Variants in SLC4A10 observed in about 807,000 individuals in gnomAD.
SLC4A10 encodes the protein solute carrier family 4 member 10, also known as sodium-driven chloride bicarbonate exchanger.
SLC4A10 carries 42 observed loss-of-function variants against 137.7 expected under a neutral mutation model. That is an observed-to-expected ratio of 0.30 (90% CI 0.24 to 0.39). The LOEUF is 0.39. Ranked by LOEUF, SLC4A10 falls within the 10% of genes least tolerant of loss-of-function variation. SLC4A10 has a pLI of 1.00. For missense variants in SLC4A10, 925 were observed against 1,355.0 expected, an observed-to-expected ratio of 0.68 and a Z score of 4.98; for synonymous variants, 474 against 464.1, an observed-to-expected ratio of 1.02 and a Z score of -0.27.
At chr2:161,747,087 C>A (rs1209817365) in intron 1 of SLC4A10, among the ~76,000 whole-genome samples, 1 of 152,022 alleles carries the variant, frequency 6.6e-6, no homozygotes, top group Non-Finnish European at 1.5e-5. Flanking sequence ...GTTACATGCA[C>A]CCCAAACCTA....
intron 1 of SLC4A10, among the ~76,000 whole-genome samples, chr2:161,725,522 A>G (rs2046120427): frequency 6.6e-6 from 1 of 152,244 alleles, no homozygotes; most frequent in African/African-American, 2.4e-5. Context: ...TTCAATGATT[A>G]ACCATTCAGA....
intron 3 of SLC4A10, among the ~76,000 whole-genome samples, chr2:161,818,089 A>G (rs1355790251): frequency 1.3e-5 from 2 of 152,016 alleles, no homozygotes; most frequent in African/African-American, 4.8e-5. Context: ...CATTTTCATG[A>G]TATTGATTCT....
chr2:161,779,975 AAT>A (rs1249165179), intron 2 of SLC4A10, among the ~76,000 whole-genome samples: 1 of 152,028 alleles, frequency 6.6e-6, no homozygotes, highest in East Asian at 1.9e-4. Context: ...TGTGACAAAG[AAT>A]ATATGTGGCT....
chr2:161,657,148 TTTG>T (rs1558960759), intron 1 of SLC4A10, among the ~76,000 whole-genome samples: 2 of 151,996 alleles, frequency 1.3e-5, no homozygotes, highest in Admixed American at 6.5e-5. Flanking sequence ...TGAATATTTG[TTTG>T]TTATTACTTA....
At chr2:161,849,665 G>A (rs906610154) in intron 4 of SLC4A10, among the ~76,000 whole-genome samples, 1 of 152,106 alleles carries the variant, frequency 6.6e-6, no homozygotes, top group Non-Finnish European at 1.5e-5. Context: ...TGATCATGTG[G>A]TTTTTGTTTT....
At chr2:161,648,368 T>C (rs536793693) in intron 1 of SLC4A10, among the ~76,000 whole-genome samples, 1 of 152,352 alleles carries the variant, frequency 6.6e-6, no homozygotes, top group East Asian at 1.9e-4. Context: ...TGCTATTGAG[T>C]GTTAAGGACT....
chr2:161,700,195 A>C (rs2042980578), intron 1 of SLC4A10, among the ~76,000 whole-genome samples: 1 of 152,222 alleles, frequency 6.6e-6, no homozygotes, highest in Non-Finnish European at 1.5e-5. Context: ...TGTCAGGATC[A>C]GTTATGGAGG....
chr2:161,659,790 G>C (rs1477861683), intron 1 of SLC4A10, among the ~76,000 whole-genome samples: 1 of 152,148 alleles, frequency 6.6e-6, no homozygotes, highest in Non-Finnish European at 1.5e-5. Flanking sequence ...ATAAAATGCA[G>C]CATATTCATA....
intron 15 of SLC4A10, among the ~76,000 whole-genome samples, chr2:161,922,223 A>C (rs548794318): frequency 1.2e-3 from 178 of 152,312 alleles, no homozygotes; most frequent in Non-Finnish European, 2.0e-3. Context: ...AAAAAGTTTA[A>C]GAATTTAATG....
chr2:161,668,466 G>A (rs2105767274), intron 1 of SLC4A10, among the ~76,000 whole-genome samples: 1 of 151,868 alleles, frequency 6.6e-6, no homozygotes, highest in East Asian at 1.9e-4. Context: ...AGTGGAGCAG[G>A]CAGCCTCAGA....
At chr2:161,881,495 TA>T (rs2061778207) in intron 9 of SLC4A10, among the ~76,000 whole-genome samples, 1 of 152,058 alleles carries the variant, frequency 6.6e-6, no homozygotes, top group Non-Finnish European at 1.5e-5. Context: ...AGATTACAAC[TA>T]AATGAGGAGT....
At chr2:161,950,578 A>G in intron 18 of SLC4A10, 109 bp from the exon 19 acceptor site, 1 of 939,612 alleles carries the variant, frequency 1.1e-6, no homozygotes, top group Non-Finnish European at 1.6e-6. Context: ...TAGGCCACTC[A>G]GCTCCTCTGT....
intron 1 of SLC4A10, among the ~76,000 whole-genome samples, chr2:161,749,214 C>G (rs948091268): frequency 6.6e-6 from 1 of 151,906 alleles, no homozygotes; most frequent in Non-Finnish European, 1.5e-5. Context: ...AGAATTATGT[C>G]ATCTATAAAC....
chr2:161,729,405 T>G (rs2046592687), intron 1 of SLC4A10, among the ~76,000 whole-genome samples: 1 of 152,182 alleles, frequency 6.6e-6, no homozygotes, highest in Non-Finnish European at 1.5e-5. Flanking sequence ...CAGAAAGGTA[T>G]AGCATAAAGG....
chr2:161,718,743 A>G (rs1310620937), intron 1 of SLC4A10, among the ~76,000 whole-genome samples: 6 of 152,152 alleles, frequency 3.9e-5, no homozygotes, highest in African/African-American at 1.4e-4. Flanking sequence ...AGTAGGCACC[A>G]TGTAGTGCTG....
intron 23 of SLC4A10, among the ~76,000 whole-genome samples, chr2:161,968,866 G>A (rs1489609994): frequency 1.3e-5 from 2 of 152,154 alleles, no homozygotes; most frequent in Non-Finnish European, 2.9e-5. Flanking sequence ...ATTCCTGGTT[G>A]ATTTGTTTGC....
intron 3 of SLC4A10, among the ~76,000 whole-genome samples, chr2:161,810,147 G>A (rs551311098): frequency 3.9e-5 from 6 of 151,934 alleles, no homozygotes; most frequent in African/African-American, 1.4e-4. Context: ...ATGGGATTGA[G>A]TTTTTGACTT....
At position 161,814,199 on chromosome 2, in the gene SLC4A10, G is replaced by T. The variant is rs2056837450; in HGVS notation, c.277+9604G>T. 2.6e-5 allele frequency among the ~76,000 whole-genome samples: 4 copies of T among 151,948 alleles called. No individual in the cohort carries two copies. In the South Asian group the frequency reaches 8.3e-4, roughly 32 times the overall value. Reference sequence around the variant, plus strand: ...AAATGCTCAATATCACGAATCATCAGAGAAATGCAAACCAAAACCACAATG... The same window carrying T: ...AAATGCTCAATATCACGAATCATCATAGAAATGCAAACCAAAACCACAATG... On this transcript the variant is annotated intron_variant, in intron 3 of 26. Coordinates refer to ENST00000446997, the MANE Select transcript of SLC4A10 (RefSeq NM_001178015.2).
At chr2:161,820,612 G>C (rs577621626) in intron 3 of SLC4A10, among the ~76,000 whole-genome samples, 1 of 152,280 alleles carries the variant, frequency 6.6e-6, no homozygotes, top group East Asian at 1.9e-4. Context: ...TGTTTTTGAT[G>C]TAGCTTCAGC....
Sources: gnomAD v4.1 joint callset for allele counts (sites outside exome capture counted in the v4.1 genomes callset) on GRCh38, gnomAD v4.1.1 for gene constraint, MANE v1.5 for transcripts, NCBI Gene and HGNC (gene_info 2026-07-23, HGNC 2026-07-21) for gene names.